ALDH4A1: variants seen among roughly 807,000 people sequenced by gnomAD.
The protein encoded by ALDH4A1 is delta-1-pyrroline-5-carboxylate dehydrogenase, mitochondrial.
Under a neutral mutation model 70.5 loss-of-function variants are expected in ALDH4A1, and 46 were observed. The ratio of observed to expected loss-of-function variants is 0.65; its 90% CI spans 0.51 to 0.83. ALDH4A1 has a LOEUF of 0.83. Among genes scored for constraint, ALDH4A1 ranks in the 40% least tolerant of loss-of-function variants. The probability of loss-of-function intolerance (pLI) is 0.00; values close to 1 mark genes in which losing one functional copy is unlikely to be tolerated. For missense variants in ALDH4A1, 749 were observed against 766.5 expected, an observed-to-expected ratio of 0.98 and a Z score of 0.27; for synonymous variants, 323 against 324.3, an observed-to-expected ratio of 1.00 and a Z score of 0.04.
Position 18,872,876 on chromosome 1 carries a change from A to C in ALDH4A1, c.1661T>G (p.Leu554Arg), listed in dbSNP as rs1557607315. Residue 554 changes from leucine (L) to arginine (R), a missense_variant, in exon 15 of 15, where the codon CTG (leucine) becomes CGG (arginine). Physicochemically the swap from Leu to Arg is moderately radical, Grantham distance 102. Coordinates refer to ENST00000375341, the MANE Select transcript of ALDH4A1 (RefSeq NM_003748.4). Reference protein sequence around the residue: ...PQVIKETHKPLGDWSYAYMQ With the variant: ...PQVIKETHKPRGDWSYAYMQ Reference sequence around the variant, plus strand: ...CATGTACGCGTAGCTCCAGTCCCCCAGGGGCTTATGTGTCTCCTTGATGAC... The same window carrying C: ...CATGTACGCGTAGCTCCAGTCCCCCCGGGGCTTATGTGTCTCCTTGATGAC... 11 of 1,614,048 alleles carry C rather than the reference A, an allele frequency of 6.8e-6. No homozygotes were observed. The highest frequency in any genetic ancestry group is 9.3e-6 in the Non-Finnish European group (11 of 1,180,006).
intron 9 of ALDH4A1, 43 bp from the exon 10 acceptor site, chr1:18,877,655 CCCCCGGTTG>C: frequency 7.2e-7 from 1 of 1,387,942 alleles, no homozygotes; most frequent in African/African-American, 1.4e-5. Context: ...GGAGCTGGCT[CCCCCGGTTG>C]CCCAGGGGCC....
chr1:18,900,733 T>C (rs1430200714), intron 1 of ALDH4A1: 1 of 543,334 alleles, frequency 1.8e-6, no homozygotes. Context: ...AGCTGCAAAA[T>C]GCTCTTTCTC....
At position 18,877,273 on chromosome 1, in the gene ALDH4A1, G is replaced by A. The variant is rs370298372; in HGVS notation, c.1138-18C>T. ...TCTGCAGGCTGGAGGCAAGGGAGGCGCCAGAAGAGACGAGTCACTGCAGGC... is the reference window on the plus strand; with the variant it reads ...TCTGCAGGCTGGAGGCAAGGGAGGCACCAGAAGAGACGAGTCACTGCAGGC... On this transcript the variant is annotated intron_variant, in intron 10 of 14. Coordinates refer to ENST00000375341, the MANE Select transcript of ALDH4A1 (RefSeq NM_003748.4). The A allele has an allele frequency of 8.3e-5, 133 of 1,599,376 alleles. No individual in the cohort carries two copies. The highest frequency in any genetic ancestry group is 9.4e-5 in the Non-Finnish European group (110 of 1,172,538).
Position 18,885,455 on chromosome 1 carries a change from G to GCCCCCCCCCCCCC in ALDH4A1, c.453+17_453+18insGGGGGGGGGGGGG. Reference sequence around the variant, plus strand: ...CACCCCACCCCGCCCCACCCACCCGGGCCCACCAGCACCTCACCTGTCCCA... The same window carrying GCCCCCCCCCCCCC: ...CACCCCACCCCGCCCCACCCACCCGGCCCCCCCCCCCCCGCCCACCAGCACCTCACCTGTCCCA... On this transcript the variant is annotated intron_variant, in intron 5 of 14. Transcript: ENST00000375341. 1 of 292,250 alleles carries GCCCCCCCCCCCCC rather than the reference G, an allele frequency of 3.4e-6. No individual in the cohort carries two copies. Among genetic ancestry groups the GCCCCCCCCCCCCC allele is most frequent in the Non-Finnish European group, 5.5e-6 (1 of 181,768 alleles). 18.1% of individuals were successfully genotyped at this position (292,250 alleles called of 1,614,324 possible). A position where few individuals can be genotyped will look rare whatever the true frequency, so the allele number is the denominator to read the frequency against.
In ALDH4A1 at chr1:18,871,473, A is replaced by C. The variant is rs1934434346; in HGVS notation, c.*1372T>G. On this transcript the variant is annotated 3_prime_UTR_variant, in exon 15 of 15. Coordinates refer to ENST00000375341, the MANE Select transcript of ALDH4A1 (RefSeq NM_003748.4). The stretch of plus-strand genomic sequence containing the variant: ...ATTGGGTGGCATCTGAGCAAATCCC[A>C]TTGCCACCTCACAGTGTAGAACCAG... 1 of 152,196 alleles carries C rather than the reference A, an allele frequency of 6.6e-6. No individual in the cohort carries two copies. The highest frequency in any genetic ancestry group is 2.4e-5 in the African/African-American group (1 of 41,444). The allele number at this position is 152,196 out of a possible 1,614,324, so 9.4% of individuals were successfully genotyped here. A position where few individuals can be genotyped will look rare whatever the true frequency, so the allele number is the denominator to read the frequency against.
intron 2 of ALDH4A1, among the ~76,000 whole-genome samples, chr1:18,889,721 G>T: frequency 6.6e-6 from 1 of 152,232 alleles, no homozygotes; most frequent in East Asian, 1.9e-4. Context: ...GAAATCTCAT[G>T]ATTTTTAAAA....
At chr1:18,881,619 A>T in intron 8 of ALDH4A1, 81 bp downstream of exon 8, 1 of 1,508,824 alleles carries the variant, frequency 6.6e-7, no homozygotes, top group Non-Finnish European at 9.1e-7. Context: ...CTGGGTTCAC[A>T]GCCCCATCCC....
Position 18,877,233 on chromosome 1 carries a change from A to G in ALDH4A1, c.1160T>C (p.Phe387Ser). 1 of 1,608,284 alleles carries G rather than the reference A, an allele frequency of 6.2e-7. No homozygotes were observed. The highest frequency in any genetic ancestry group is 1.3e-5 in the African/African-American group (1 of 74,788). Residue 387 changes from phenylalanine (F) to serine (S), a missense_variant, in exon 11 of 15, where the codon TTC (phenylalanine) becomes TCC (serine). Transcript: ENST00000375341. ...VGDPAEDFGT[F>S]FSAVIDAKSF... ...CTTGGCATCAATCACTGCAGAGAAG[A>G]AGGTCCCAAAATCCTCTGCAGGCTG...
chr1:18,897,532 G>A (rs1432945575), intron 1 of ALDH4A1, among the ~76,000 whole-genome samples: 1 of 152,210 alleles, frequency 6.6e-6, no homozygotes, highest in African/African-American at 2.4e-5. Context: ...GGTAGAGCGA[G>A]ACTCCGTCTC....
At chr1:18,892,567 G>A (rs1935479359) in intron 1 of ALDH4A1, among the ~76,000 whole-genome samples, 1 of 151,186 alleles carries the variant, frequency 6.6e-6, no homozygotes, top group Admixed American at 6.6e-5. Context: ...GCGGGGGGGG[G>A]CTGAGAGGGG....
At chr1:18,886,439 T>A in intron 4 of ALDH4A1, 25 bp downstream of exon 4, 2 of 1,613,526 alleles carry the variant, frequency 1.2e-6, no homozygotes, top group Non-Finnish European at 1.7e-6. Flanking sequence ...TAACCCCGGG[T>A]CACCAGGCAC....
At chr1:18,902,121 G>A (rs749347467) in intron 1 of ALDH4A1, among the ~76,000 whole-genome samples, 25 of 152,176 alleles carry the variant, frequency 1.6e-4, no homozygotes, top group Non-Finnish European at 2.5e-4. Context: ...CCAGCAAATT[G>A]CGAAGATCCA....
At chr1:18,873,378 C>T (rs1453637942) in intron 14 of ALDH4A1, among the ~76,000 whole-genome samples, 1 of 152,158 alleles carries the variant, frequency 6.6e-6, no homozygotes, top group Admixed American at 6.5e-5. Flanking sequence ...GGAGTGTCTT[C>T]CGTTATTCAT....
intron 8 of ALDH4A1, 40 bp from the exon 9 acceptor site, chr1:18,879,413 G>A: frequency 1.3e-6 from 2 of 1,571,646 alleles, no homozygotes; most frequent in Non-Finnish European, 1.7e-6. Flanking sequence ...AGGGAGCCAG[G>A]CCAGAGGAAG....
At position 18,873,798 on chromosome 1, in the gene ALDH4A1, C is replaced by T. The variant is rs76454386; in HGVS notation, c.1579+665G>A. On this transcript the variant is annotated intron_variant, in intron 14 of 14. Transcript: ENST00000375341. ...GGGTAATAGTAAGCACGCTTCCCCT[C>T]GGTTCCGTGAGCTGTTCTAACAACG... is the stretch of plus-strand genomic sequence containing the variant. 3.8e-3 allele frequency among the ~76,000 whole-genome samples: 579 copies of T among 152,320 alleles called. 2 individuals carry two copies. Among genetic ancestry groups the T allele is most frequent in the Middle Eastern group, 0.014 (4 of 294 alleles).
At chr1:18,895,162 G>C (rs74968065) in intron 1 of ALDH4A1, among the ~76,000 whole-genome samples, 1 of 152,150 alleles carries the variant, frequency 6.6e-6, no homozygotes. Flanking sequence ...CTGGCTCTGG[G>C]AGGCAGATAT....
intron 7 of ALDH4A1, among the ~76,000 whole-genome samples, chr1:18,882,832 C>T (rs931403930): frequency 2.8e-4 from 43 of 152,230 alleles, no homozygotes; most frequent in African/African-American, 1.0e-3. Flanking sequence ...CTCATTTGAG[C>T]CTCACAACCC....
At chr1:18,900,552 C>T (rs1171198701) in intron 1 of ALDH4A1, among the ~76,000 whole-genome samples, 2 of 152,192 alleles carry the variant, frequency 1.3e-5, no homozygotes, top group African/African-American at 4.8e-5. Context: ...GTGCCCCTGA[C>T]ATGCAGCGGG....
At chr1:18,902,422 GGC>G (rs1935832032) in intron 1 of ALDH4A1, 38 bp downstream of exon 1, 1 of 1,310,632 alleles carries the variant, frequency 7.6e-7, no homozygotes, top group Non-Finnish European at 9.7e-7. Flanking sequence ...CCGGGCCCCA[GGC>G]GCGCGCTCGG....
Sources: allele counts gnomAD v4.1 joint callset (sites outside exome capture counted in the v4.1 genomes callset), GRCh38; gene constraint gnomAD v4.1.1; transcripts MANE v1.5; gene names NCBI Gene and HGNC (gene_info 2026-07-23, HGNC 2026-07-21).